Variants in FOXP2 observed in about 807,000 individuals in gnomAD.
FOXP2 encodes the protein forkhead box P2.
In FOXP2, 12 loss-of-function variants were observed where a neutral mutation model predicts 115.8. The observed-to-expected ratio is 0.10, with a 90% CI of 0.07 to 0.17. FOXP2 has a LOEUF of 0.17. FOXP2 is among the 10% of genes least tolerant of loss of function. The pLI is 1.00. For missense variants in FOXP2, 629 were observed against 843.5 expected, an observed-to-expected ratio of 0.75 and a Z score of 3.15; for synonymous variants, 328 against 297.7, an observed-to-expected ratio of 1.10 and a Z score of -1.05.
intron 2 of FOXP2, among the ~76,000 whole-genome samples, chr7:114,305,812 C>G (rs1030377025): frequency 6.6e-6 from 1 of 152,078 alleles, no homozygotes; most frequent in African/African-American, 2.4e-5. Context: ...TAATATTTCA[C>G]CGGCCTTATA....
intron 1 of FOXP2, among the ~76,000 whole-genome samples, chr7:114,155,145 G>C (rs927980334): frequency 1.3e-5 from 2 of 152,008 alleles, no homozygotes; most frequent in Non-Finnish European, 2.9e-5. Context: ...TATATATGTT[G>C]GGTATTGTAA....
rs1291156080 is a variant in FOXP2, at chr7:114,689,974, C to T, written c.*48C>T. 2 of 1,604,954 alleles carry T rather than the reference C, an allele frequency of 1.2e-6. No homozygotes were observed. The highest frequency in any genetic ancestry group is 1.7e-6 in the Non-Finnish European group (2 of 1,174,432). On this transcript the variant is annotated 3_prime_UTR_variant, in exon 17 of 17. Transcript: ENST00000350908. The stretch of plus-strand genomic sequence containing the variant: ...CGTGAAGGGACATATCACTGACCTT[C>T]ATAACCACTCCACAACCATGAATAT...
intron 2 of FOXP2, among the ~76,000 whole-genome samples, chr7:114,383,161 T>C (rs547134508): frequency 6.6e-6 from 1 of 152,314 alleles, no homozygotes; most frequent in African/African-American, 2.4e-5. Context: ...AGTGATATTA[T>C]ATCTCTCCAT....
chr7:114,351,899 G>A (rs1004466226), intron 2 of FOXP2, among the ~76,000 whole-genome samples: 1 of 152,118 alleles, frequency 6.6e-6, no homozygotes, highest in African/African-American at 2.4e-5. Context: ...ATCAGATGTA[G>A]AAAGATGTGG....
intron 2 of FOXP2, among the ~76,000 whole-genome samples, chr7:114,362,421 A>G (rs891750326): frequency 3.3e-5 from 5 of 152,002 alleles, no homozygotes; most frequent in Non-Finnish European, 5.9e-5. Flanking sequence ...AACAAAAAGC[A>G]AAAAACAAAA....
intron 16 of FOXP2, among the ~76,000 whole-genome samples, chr7:114,674,038 C>T (rs1415157697): frequency 6.6e-6 from 1 of 152,076 alleles, no homozygotes; most frequent in Non-Finnish European, 1.5e-5. Context: ...TTTATAACTC[C>T]ACCATGGAAT....
At chr7:114,315,133 A>C (rs1244862971) in intron 2 of FOXP2, among the ~76,000 whole-genome samples, 2 of 152,148 alleles carry the variant, frequency 1.3e-5, no homozygotes, top group African/African-American at 4.8e-5. Context: ...GCTTTTTCCC[A>C]AACTCTGTGA....
intron 2 of FOXP2, among the ~76,000 whole-genome samples, chr7:114,362,735 C>T (rs945967141): frequency 3.3e-5 from 5 of 151,888 alleles, no homozygotes; most frequent in African/African-American, 9.7e-5. Context: ...TATAAAAAAT[C>T]GAACTTTTAA....
intron 2 of FOXP2, among the ~76,000 whole-genome samples, chr7:114,360,642 A>G (rs1237228382): frequency 1.3e-5 from 2 of 152,180 alleles, no homozygotes; most frequent in African/African-American, 4.8e-5. Flanking sequence ...GAACAAAAAA[A>G]TTCCTAAGCA....
rs111724210 is a variant in FOXP2 at position 114,164,469 on chromosome 7, C to T, written c.-102+1381C>T. 4.3e-3 allele frequency among the ~76,000 whole-genome samples: 650 copies of T among 151,842 alleles called. 5 individuals are homozygous for T. The highest frequency in any genetic ancestry group is 0.014 in the African/African-American group (600 of 41,408). On this transcript the variant is annotated intron_variant, in intron 1 of 17. Coordinates refer to the FOXP2 transcript ENST00000634411. ...AAGTGATTCTCCTGCCTCAGAATCC[C>T]TGAGTAGCTGGGACTACAGATGCAT...
rs550924855 is a variant in FOXP2 at position 114,376,797 on chromosome 7, A to C, written c.-10-49705A>C. Among the ~76,000 whole-genome samples the C allele has an allele frequency of 3.9e-5, 6 of 151,954 alleles. No homozygotes were observed. The South Asian group carries it at 1.2e-3, about 32-fold the overall frequency. The stretch of plus-strand genomic sequence containing the variant: ...GCAAGAAAGAGTGTGGCATATTTAG[A>C]AAACTGTCAAAAGGCTGATTATGAC... On this transcript the variant is annotated intron_variant, in intron 2 of 17. Coordinates refer to the FOXP2 transcript ENST00000634411.
At chr7:114,578,667 G>A (rs900793652) in intron 3 of FOXP2, among the ~76,000 whole-genome samples, 7 of 152,006 alleles carry the variant, frequency 4.6e-5, no homozygotes, top group African/African-American at 9.7e-5. Context: ...CTATGAAAAA[G>A]CTTTAAAAAC....
rs201869188 is a variant in FOXP2, at chr7:114,300,030, ACACT to A, written c.-11+11925_-11+11928del. On this transcript the variant is annotated intron_variant, in intron 2 of 17. Coordinates refer to the FOXP2 transcript ENST00000634411. ...ATTCTTCCAGCAGCTACCCTTACAC[ACACT>A]CACACACACACACGTACACACACTC... Among the ~76,000 whole-genome samples, 1,358 of 151,634 alleles carry A rather than the reference ACACT, an allele frequency of 9.0e-3. 18 individuals are homozygous for A. Among genetic ancestry groups the A allele is most frequent in the African/African-American group, 0.03 (1,217 of 41,222 alleles).
chr7:114,243,355 C>G (rs1795200999), intron 1 of FOXP2, among the ~76,000 whole-genome samples: 1 of 151,238 alleles, frequency 6.6e-6, no homozygotes, highest in Non-Finnish European at 1.5e-5. Flanking sequence ...AGGGACTAGA[C>G]AGAAACCAGA....
intron 2 of FOXP2, among the ~76,000 whole-genome samples, chr7:114,520,514 G>T (rs1417095555): frequency 6.6e-6 from 1 of 151,948 alleles, no homozygotes; most frequent in African/African-American, 2.4e-5. Context: ...CTAACAAAAA[G>T]TTACATTAAT....
At chr7:114,432,721 CAG>C (rs981931600) in intron 2 of FOXP2, among the ~76,000 whole-genome samples, 1 of 151,792 alleles carries the variant, frequency 6.6e-6, no homozygotes, top group Non-Finnish European at 1.5e-5. Flanking sequence ...AATTCTGTTT[CAG>C]AGTTAACTTT....
intron 1 of FOXP2, among the ~76,000 whole-genome samples, chr7:114,090,020 T>C (rs1002095817): frequency 6.6e-6 from 1 of 151,988 alleles, no homozygotes; most frequent in African/African-American, 2.4e-5. Flanking sequence ...AAAGGGATTT[T>C]ATTTGTGACG....
At chr7:114,211,980 G>A (rs1794365313) in intron 1 of FOXP2, among the ~76,000 whole-genome samples, 1 of 151,972 alleles carries the variant, frequency 6.6e-6, no homozygotes, top group Non-Finnish European at 1.5e-5. Context: ...GGCTGAGGCA[G>A]GAGAATCACT....
At chr7:114,344,780 C>T (rs978957611) in intron 2 of FOXP2, among the ~76,000 whole-genome samples, 3 of 151,684 alleles carry the variant, frequency 2.0e-5, no homozygotes, top group Admixed American at 6.6e-5. Flanking sequence ...CTTAAAATAA[C>T]GGTAAAATAA....
Sources: gnomAD v4.1 joint callset for allele counts (sites outside exome capture counted in the v4.1 genomes callset) on GRCh38, gnomAD v4.1.1 for gene constraint, MANE v1.5 for transcripts, NCBI Gene and HGNC (gene_info 2026-07-23, HGNC 2026-07-21) for gene names.